RABGAP1: variants seen among roughly 807,000 people sequenced by gnomAD.
RABGAP1 encodes the protein RAB GTPase activating protein 1, also known as rab GTPase-activating protein 1.
A neutral mutation model predicts 137.6 loss-of-function variants in RABGAP1; 23 were observed. The observed-to-expected ratio is 0.17, with a 90% CI of 0.12 to 0.24. The LOEUF (loss-of-function observed/expected upper bound fraction) is 0.24. Among genes scored for constraint, RABGAP1 ranks in the 10% least tolerant of loss-of-function variants. RABGAP1 has a pLI of 1.00. For synonymous variants in RABGAP1, 451 were observed against 450.7 expected (o/e 1.00, Z -0.01); for missense variants, 906 against 1,275.8 (o/e 0.71, Z 4.42).
chr9:122,986,569 T>C, intron 4 of RABGAP1, 150 bp downstream of exon 4: 1 of 845,384 alleles, frequency 1.2e-6, no homozygotes, highest in Non-Finnish European at 1.8e-6. Context: ...TCCCAAGGAC[T>C]GTGACCTTTG....
intron 6 of RABGAP1, among the ~76,000 whole-genome samples, chr9:122,991,810 T>C (rs111226481): frequency 2.0e-5 from 3 of 151,818 alleles, no homozygotes; most frequent in African/African-American, 7.3e-5. Flanking sequence ...CTTGCCACAT[T>C]GCCCAGGTTG....
chr9:123,060,751 C>A (rs983110554), intron 13 of RABGAP1, among the ~76,000 whole-genome samples: 2 of 152,136 alleles, frequency 1.3e-5, no homozygotes, highest in Admixed American at 6.5e-5. Flanking sequence ...ATGTCAGGGA[C>A]TATATACCAC....
chr9:122,956,985 G>T, intron 1 of RABGAP1, 26 bp from the exon 2 acceptor site: 1 of 1,196,238 alleles, frequency 8.4e-7, no homozygotes, highest in Non-Finnish European at 1.1e-6. Flanking sequence ...TTCTATATGA[G>T]TATCTTTATG....
chr9:122,946,488 T>G (rs1056068542), intron 1 of RABGAP1, among the ~76,000 whole-genome samples: 2 of 152,182 alleles, frequency 1.3e-5, no homozygotes, highest in African/African-American at 4.8e-5. Context: ...ATTTTTACAT[T>G]TATTAAATGC....
chr9:122,944,312 C>T (rs901589166), intron 1 of RABGAP1, among the ~76,000 whole-genome samples: 1 of 151,618 alleles, frequency 6.6e-6, no homozygotes, highest in African/African-American at 2.4e-5. Flanking sequence ...TCACCTCAAC[C>T]TTGAACTTCT....
chr9:123,047,919 G>GTTTTTT lies in RABGAP1; in HGVS notation c.1795-17398_1795-17393dup, dbSNP rs59639446. ...TATCTAGCCATTTTACAGCTGCTGG[G>GTTTTTT]TTTTTTTTTTTTTTTTTTTTTTTTT... On this transcript the variant is annotated intron_variant, in intron 13 of 25. Coordinates refer to ENST00000373647, the MANE Select transcript of RABGAP1 (RefSeq NM_012197.4). Among the ~76,000 whole-genome samples the GTTTTTT allele has an allele frequency of 2.4e-4, 15 of 62,278 alleles. 2 individuals are homozygous for GTTTTTT. The highest frequency in any genetic ancestry group is 4.1e-4 in the African/African-American group (8 of 19,732). 40.9% of individuals were successfully genotyped at this position (62,278 alleles called of 152,430 possible).
At chr9:122,964,666 A>G (rs1014008321) in intron 2 of RABGAP1, among the ~76,000 whole-genome samples, 1 of 152,058 alleles carries the variant, frequency 6.6e-6, no homozygotes, top group African/African-American at 2.4e-5. Context: ...GAATAAGACA[A>G]GGAGGTCTAC....
At position 123,089,832 on chromosome 9, in the gene RABGAP1, C is replaced by T. The variant is rs1186338864; in HGVS notation, c.2499C>T (p.Asp833=). ...GGGAACAGCAGGCCCAGCAAGAAGA[C>T]CCCATCGAGCGATTTGAGGTTTGTT... is the stretch of plus-strand genomic sequence containing the variant. ...TMREQQAQQE[D]PIERFERENR... The change falls in exon 20 of 26, where the codon GAC becomes GAT. Residue 833 remains aspartate (D), a synonymous_variant. Coordinates refer to ENST00000373647, the MANE Select transcript of RABGAP1 (RefSeq NM_012197.4). 7.4e-6 allele frequency: 12 copies of T among 1,613,640 alleles called. No individual in the cohort carries two copies. The highest frequency in any genetic ancestry group is 5.0e-5 in the Admixed American group (3 of 60,004).
intron 21 of RABGAP1, among the ~76,000 whole-genome samples, chr9:123,097,180 T>G (rs2035210936): frequency 6.6e-6 from 1 of 152,130 alleles, no homozygotes; most frequent in African/African-American, 2.4e-5. Context: ...CACTAGACCT[T>G]TTGCATGCTT....
intron 2 of RABGAP1, among the ~76,000 whole-genome samples, chr9:122,975,817 A>G (rs377490752): frequency 1.3e-5 from 2 of 152,334 alleles, no homozygotes; most frequent in East Asian, 3.9e-4. Flanking sequence ...CCTAATAACA[A>G]TCCTGTGAGA....
chr9:122,968,750 G>T lies in RABGAP1; in HGVS notation c.150+11541G>T, dbSNP rs369290235. Among the ~76,000 whole-genome samples the T allele has an allele frequency of 3.9e-5, 6 of 152,186 alleles. No individual in the cohort carries two copies. The East Asian group carries it at 5.8e-4, about 15-fold the overall frequency. ...CTGCCTCAGCCTCCTGAGTAGCTGGGATTACAGGTGTGTGCCACCACACCT... is the reference window on the plus strand; with the variant it reads ...CTGCCTCAGCCTCCTGAGTAGCTGGTATTACAGGTGTGTGCCACCACACCT... On this transcript the variant is annotated intron_variant, in intron 2 of 25. Coordinates refer to ENST00000373647, the MANE Select transcript of RABGAP1 (RefSeq NM_012197.4).
intron 2 of RABGAP1, among the ~76,000 whole-genome samples, chr9:122,976,153 A>T (rs1189975732): frequency 1.3e-5 from 2 of 152,222 alleles, no homozygotes; most frequent in Non-Finnish European, 2.9e-5. Flanking sequence ...CATCCCTGCA[A>T]ACGTTTATGT....
intron 21 of RABGAP1, among the ~76,000 whole-genome samples, chr9:123,093,310 G>T (rs774372967): frequency 6.6e-6 from 1 of 152,080 alleles, no homozygotes; most frequent in Non-Finnish European, 1.5e-5. Flanking sequence ...TTAATTCCTC[G>T]GTGACCCCAA....
At chr9:123,041,114 T>C (rs2032931176) in intron 13 of RABGAP1, among the ~76,000 whole-genome samples, 1 of 152,208 alleles carries the variant, frequency 6.6e-6, no homozygotes, top group Non-Finnish European at 1.5e-5. Flanking sequence ...ATAATATAAA[T>C]GTTAATTGAG....
chr9:123,082,307 T>C (rs546883404), intron 19 of RABGAP1, among the ~76,000 whole-genome samples: 1 of 152,304 alleles, frequency 6.6e-6, no homozygotes, highest in South Asian at 2.1e-4. Flanking sequence ...TCTCCCGCTT[T>C]ATGGGTCAGT....
chr9:122,989,399 T>G lies in RABGAP1; in HGVS notation c.693T>G (p.Phe231Leu). The G allele has an allele frequency of 6.2e-7, 1 of 1,614,090 alleles. No individual in the cohort carries two copies. Among genetic ancestry groups the G allele is most frequent in the Non-Finnish European group, 8.5e-7 (1 of 1,180,002 alleles). Residue 231 changes from phenylalanine (F) to leucine (L), a missense_variant, in exon 5 of 26, where the codon TTT (phenylalanine) becomes TTG (leucine). Physicochemically the swap from Phe to Leu is conservative, Grantham distance 22. Around this residue, in one of 9 missense-constraint regions of RABGAP1, gnomAD observed 331 missense variants for 358.3 expected, o/e 0.92. Transcript: ENST00000373647. ...GHDGTPESDC[F>L]AFTESHYNAE... ...ATGGAACTCCTGAGAGTGACTGTTT[T>G]GCTTTCACTGAAAGTCATTACAATG... is the stretch of plus-strand genomic sequence containing the variant.
intron 2 of RABGAP1, among the ~76,000 whole-genome samples, chr9:122,973,269 G>A (rs902522414): frequency 4.6e-5 from 7 of 151,822 alleles, no homozygotes; most frequent in African/African-American, 1.5e-4. Context: ...ACGGAGTCTC[G>A]CTCTGCTGCC....
In RABGAP1 at chr9:122,951,415, A is replaced by G. The variant is rs978738311; in HGVS notation, c.-49-5596A>G. Among the ~76,000 whole-genome samples, 25 of 144,546 alleles carry G rather than the reference A, an allele frequency of 1.7e-4. 1 individual carries two copies. Among genetic ancestry groups the G allele is most frequent in the Middle Eastern group, 7.4e-3 (2 of 272 alleles). The allele number at this position is 144,546 out of a possible 152,430, so 94.8% of individuals were successfully genotyped here. A position where few individuals can be genotyped will look rare whatever the true frequency, so the allele number is the denominator to read the frequency against. ...CAAATATCTGATAGTACTCTGTCTC[A>G]AAAAAAAAAAAAGTTGAAGTTTTTA... On this transcript the variant is annotated intron_variant, in intron 1 of 25. Transcript: ENST00000373647.
chr9:123,018,866 C>G (rs1220449895), intron 12 of RABGAP1, among the ~76,000 whole-genome samples: 1 of 152,204 alleles, frequency 6.6e-6, no homozygotes, highest in Non-Finnish European at 1.5e-5. Context: ...GCCACAGCAT[C>G]TTCTTAATGT....
Sources: gnomAD v4.1 joint callset for allele counts (sites outside exome capture counted in the v4.1 genomes callset) on GRCh38, gnomAD v4.1.1 for gene constraint, gnomAD v4.1.1 regional missense constraint, MANE v1.5 for transcripts, NCBI Gene and HGNC (gene_info 2026-07-23, HGNC 2026-07-21) for gene names.